The following SRGAP1 variants were observed in gnomAD, a reference collection of about 807,000 sequenced individuals.
SRGAP1 encodes the protein SLIT-ROBO Rho GTPase activating protein 1, also known as SLIT-ROBO Rho GTPase-activating protein 1.
Under a neutral mutation model 121.9 loss-of-function variants are expected in SRGAP1, and 43 were observed. The observed-to-expected ratio is 0.35, with a 90% confidence interval of 0.28 to 0.46. SRGAP1 has a LOEUF of 0.46. SRGAP1 is among the 20% of genes least tolerant of loss of function. The pLI is 1.00. For missense variants in SRGAP1, 1,102 were observed against 1,350.9 expected, an observed-to-expected ratio of 0.82 and a Z score of 2.89; for synonymous variants, 447 against 485.4, an observed-to-expected ratio of 0.92 and a Z score of 1.04.
intron 1 of SRGAP1, among the ~76,000 whole-genome samples, chr12:63,945,606 G>T (rs536644744): frequency 1.3e-5 from 2 of 152,264 alleles, no homozygotes; most frequent in Non-Finnish European, 2.9e-5. Context: ...TAACCCCATT[G>T]TTAGTTTAGG....
intron 1 of SRGAP1, among the ~76,000 whole-genome samples, chr12:63,898,222 G>A (rs1365346717): frequency 6.6e-6 from 1 of 152,230 alleles, no homozygotes; most frequent in Non-Finnish European, 1.5e-5. Context: ...GTGGTGGAAA[G>A]GAAGCTTGTT....
chr12:63,846,195 A>G (rs972917618), intron 1 of SRGAP1, among the ~76,000 whole-genome samples: 1 of 152,218 alleles, frequency 6.6e-6, no homozygotes, highest in Non-Finnish European at 1.5e-5. Context: ...GTGATAATTT[A>G]TACTTACAGG....
intron 1 of SRGAP1, among the ~76,000 whole-genome samples, chr12:63,912,046 A>G (rs956878201): frequency 3.9e-5 from 6 of 152,152 alleles, no homozygotes; most frequent in African/African-American, 1.4e-4. Context: ...ACTTTTGCAT[A>G]CTTAGATGAA....
At chr12:63,888,899 G>A (rs1399770447) in intron 1 of SRGAP1, among the ~76,000 whole-genome samples, 1 of 152,202 alleles carries the variant, frequency 6.6e-6, no homozygotes, top group Non-Finnish European at 1.5e-5. Context: ...AGAATATTGG[G>A]CAGGGATCTG....
At chr12:64,120,825 C>T (rs933511148) in intron 18 of SRGAP1, among the ~76,000 whole-genome samples, 4 of 152,198 alleles carry the variant, frequency 2.6e-5, no homozygotes, top group African/African-American at 9.7e-5. Flanking sequence ...GCTTACCTCT[C>T]TGGGTTCCCA....
intron 8 of SRGAP1, among the ~76,000 whole-genome samples, chr12:64,077,052 C>T (rs1157434149): frequency 6.6e-6 from 1 of 152,110 alleles, no homozygotes; most frequent in Non-Finnish European, 1.5e-5. Flanking sequence ...CAAGAAATTC[C>T]AGGCAGAATA....
intron 3 of SRGAP1, among the ~76,000 whole-genome samples, chr12:64,000,183 AGAG>A (rs1180064956): frequency 1.3e-5 from 2 of 151,604 alleles, no homozygotes; most frequent in African/African-American, 4.9e-5. Context: ...TTGCCTGTGA[AGAG>A]GAGGAAAGAT....
intron 1 of SRGAP1, among the ~76,000 whole-genome samples, chr12:63,921,620 G>A (rs1033895422): frequency 1.1e-4 from 17 of 152,190 alleles, no homozygotes; most frequent in African/African-American, 4.1e-4. Flanking sequence ...ACGTGTACAC[G>A]TACATATGCT....
intron 8 of SRGAP1, among the ~76,000 whole-genome samples, chr12:64,074,605 C>G (rs188057118): frequency 6.6e-6 from 1 of 152,212 alleles, no homozygotes; most frequent in Non-Finnish European, 1.5e-5. Flanking sequence ...TTAATACATA[C>G]TCAAAATTTA....
At chr12:64,117,063 AG>A (rs2136624187) in intron 18 of SRGAP1, among the ~76,000 whole-genome samples, 1 of 152,282 alleles carries the variant, frequency 6.6e-6, no homozygotes, top group Admixed American at 6.5e-5. Flanking sequence ...ATAGGGCAGC[AG>A]TGGCCTGGAG....
At chr12:64,089,861 G>C (rs916409361) in intron 11 of SRGAP1, among the ~76,000 whole-genome samples, 9 of 152,200 alleles carry the variant, frequency 5.9e-5, no homozygotes, top group African/African-American at 1.7e-4. Context: ...TGTACCAGTA[G>C]GTTTGTTTCC....
intron 3 of SRGAP1, among the ~76,000 whole-genome samples, chr12:63,995,520 A>G (rs763418348): frequency 5.3e-5 from 8 of 152,160 alleles, no homozygotes; most frequent in Admixed American, 6.6e-5. Context: ...ATGTCACCCA[A>G]TGCATAGGGT....
chr12:63,997,009 C>T (rs540239462), intron 3 of SRGAP1, among the ~76,000 whole-genome samples: 24 of 152,122 alleles, frequency 1.6e-4, no homozygotes, highest in African/African-American at 5.1e-4. Context: ...TGCTGCTGTT[C>T]TTGGAGTTAC....
Position 64,033,823 on chromosome 12 carries a change from C to A in SRGAP1, c.490-8967C>A, listed in dbSNP as rs563423590. Among the ~76,000 whole-genome samples, 8 of 152,228 alleles carry A rather than the reference C, an allele frequency of 5.3e-5. No homozygotes were observed. The East Asian group carries it at 1.5e-3, about 29-fold the overall frequency. ...GATCATGAGGTCAGGAGTTCAAGAC[C>A]AGCCTGACCAAGATGGTGAAACCCC... On this transcript the variant is annotated intron_variant, in intron 4 of 21. Transcript: ENST00000355086.
chr12:64,055,858 T>G (rs554460139), intron 6 of SRGAP1, among the ~76,000 whole-genome samples: 1 of 152,296 alleles, frequency 6.6e-6, no homozygotes, highest in Admixed American at 6.5e-5. Context: ...CATTATCTCT[T>G]GCTTCCATGG....
intron 16 of SRGAP1, among the ~76,000 whole-genome samples, chr12:64,110,947 C>T (rs188361394): frequency 6.6e-6 from 1 of 152,208 alleles, no homozygotes; most frequent in Admixed American, 6.5e-5. Flanking sequence ...ATATGTTCAC[C>T]TGGATTTTAC....
chr12:63,895,502 A>G (rs1354311783), intron 1 of SRGAP1, among the ~76,000 whole-genome samples: 2 of 152,232 alleles, frequency 1.3e-5, no homozygotes, highest in Non-Finnish European at 2.9e-5. Context: ...TGCCATCATC[A>G]TAGAAATGTC....
At chr12:64,129,976 G>T (rs796397445) in intron 21 of SRGAP1, among the ~76,000 whole-genome samples, 38 of 116,744 alleles carry the variant, frequency 3.3e-4, no homozygotes, top group African/African-American at 1.6e-3. Context: ...GCAGGTCGTG[G>T]TTGTTGTTGT....
chr12:63,956,037 G>A (rs2032453310), intron 1 of SRGAP1, among the ~76,000 whole-genome samples: 1 of 152,126 alleles, frequency 6.6e-6, no homozygotes, highest in Non-Finnish European at 1.5e-5. Flanking sequence ...ACTGATGTCT[G>A]TTAGCCCTGT....
Sources: allele counts gnomAD v4.1 joint callset (sites outside exome capture counted in the v4.1 genomes callset), GRCh38; gene constraint gnomAD v4.1.1; transcripts MANE v1.5; gene names NCBI Gene and HGNC (gene_info 2026-07-23, HGNC 2026-07-21).